The following PRTFDC1 variants were observed in gnomAD, a reference collection of about 807,000 sequenced individuals.
PRTFDC1 encodes phosphoribosyltransferase domain-containing protein 1.
A neutral mutation model predicts 34.6 loss-of-function variants in PRTFDC1; 38 were observed. That is an observed-to-expected ratio of 1.10 (90% CI 0.85 to 1.44). PRTFDC1 has a LOEUF of 1.44. Among genes scored for constraint, PRTFDC1 ranks in the 40% most tolerant of loss-of-function variants. The pLI, the probability that PRTFDC1 is intolerant of heterozygous loss-of-function variation, is 0.00. For missense variants in PRTFDC1, 270 were observed against 283.0 expected (o/e 0.95, Z 0.33); for synonymous variants, 93 against 98.1 (o/e 0.95, Z 0.31).
chr10:24,907,504 GA>G (rs1485711406), intron 3 of PRTFDC1, among the ~76,000 whole-genome samples: 1 of 152,222 alleles, frequency 6.6e-6, no homozygotes, highest in African/African-American at 2.4e-5. Flanking sequence ...GCTGAGGTGG[GA>G]GAATCACTTG....
intron 1 of PRTFDC1, among the ~76,000 whole-genome samples, chr10:24,950,924 G>A (rs1327887391): frequency 6.6e-6 from 1 of 152,158 alleles, no homozygotes; most frequent in Non-Finnish European, 1.5e-5. Context: ...TGCCTACAGT[G>A]CAGGCCAACC....
chr10:24,929,866 A>C (rs1201691959), intron 3 of PRTFDC1, among the ~76,000 whole-genome samples: 1 of 152,160 alleles, frequency 6.6e-6, no homozygotes, highest in African/African-American at 2.4e-5. Context: ...CTTAGAATAG[A>C]TATCCCAAAA....
rs113629417 is a variant in PRTFDC1, at chr10:24,920,299, G to GTA, written c.339+16883_339+16884dup. On this transcript the variant is annotated intron_variant, in intron 3 of 8. Coordinates refer to ENST00000320152, the MANE Select transcript of PRTFDC1 (RefSeq NM_020200.7). ...TGTGTATATATATATGAGTGTGTGTGTATATATATATGTGTGTGTATATAT... is the reference window on the plus strand; with the variant it reads ...TGTGTATATATATATGAGTGTGTGTGTATATATATATATGTGTGTGTATATAT... Among the ~76,000 whole-genome samples the GTA allele has an allele frequency of 8.9e-3, 1,335 of 150,510 alleles. 28 individuals carry two copies. The highest frequency in any genetic ancestry group is 0.032 in the African/African-American group (1,271 of 40,304).
At chr10:24,876,678 A>C (rs1315545571) in intron 3 of PRTFDC1, among the ~76,000 whole-genome samples, 1 of 151,846 alleles carries the variant, frequency 6.6e-6, no homozygotes, top group Non-Finnish European at 1.5e-5. Flanking sequence ...TGTGTGACAG[A>C]GCGAGACTCC....
chr10:24,913,029 A>T (rs971476847), intron 3 of PRTFDC1, among the ~76,000 whole-genome samples: 1 of 152,246 alleles, frequency 6.6e-6, no homozygotes, highest in Non-Finnish European at 1.5e-5. Flanking sequence ...TCGAAATCAG[A>T]TTTGACAATC....
At chr10:24,928,224 C>T (rs550024946) in intron 3 of PRTFDC1, among the ~76,000 whole-genome samples, 1 of 151,760 alleles carries the variant, frequency 6.6e-6, no homozygotes, top group South Asian at 2.1e-4. Context: ...TTCTATTTTC[C>T]TATTTCTTTA....
chr10:24,945,313 C>T (rs1430680488), intron 1 of PRTFDC1, among the ~76,000 whole-genome samples: 1 of 152,174 alleles, frequency 6.6e-6, no homozygotes, highest in Non-Finnish European at 1.5e-5. Flanking sequence ...ACACAGTCTC[C>T]ATCTTCCGGC....
At chr10:24,861,165 T>C (rs1847674160) in intron 4 of PRTFDC1, among the ~76,000 whole-genome samples, 1 of 152,198 alleles carries the variant, frequency 6.6e-6, no homozygotes, top group Non-Finnish European at 1.5e-5. Context: ...GTCAAAATTA[T>C]TCAAATACAT....
chr10:24,923,839 A>T (rs1848829734), intron 3 of PRTFDC1, among the ~76,000 whole-genome samples: 1 of 152,204 alleles, frequency 6.6e-6, no homozygotes, highest in African/African-American at 2.4e-5. Context: ...GAAGGTCGGT[A>T]ATAACAAACT....
Position 24,937,412 on chromosome 10 carries a change from G to T in PRTFDC1, c.156-45C>A, listed in dbSNP as rs369080621. 9 of 1,513,228 alleles carry T rather than the reference G, an allele frequency of 5.9e-6. No individual in the cohort carries two copies. The African/African-American group carries it at 1.2e-4, about 21-fold the overall frequency. 93.7% of individuals were successfully genotyped at this position (1,513,228 alleles called of 1,614,324 possible). A position where few individuals can be genotyped will look rare whatever the true frequency, so the allele number is the denominator to read the frequency against. The stretch of plus-strand genomic sequence containing the variant: ...TATATTAAGGCACAACTACTTCTGA[G>T]TATTTATGTTGCTTTAATGAAATGC... On this transcript the variant is annotated intron_variant, in intron 2 of 8. Coordinates refer to ENST00000320152, the MANE Select transcript of PRTFDC1 (RefSeq NM_020200.7).
chr10:24,857,825 A>G (rs1028984316), intron 5 of PRTFDC1, among the ~76,000 whole-genome samples: 1 of 152,222 alleles, frequency 6.6e-6, no homozygotes, highest in Non-Finnish European at 1.5e-5. Context: ...TTGCTGTATT[A>G]GTCCACTACT....
At chr10:24,883,878 G>A (rs1206615572) in intron 3 of PRTFDC1, among the ~76,000 whole-genome samples, 1 of 143,808 alleles carries the variant, frequency 7.0e-6, no homozygotes, top group Admixed American at 7.2e-5. Context: ...AGGCTGGAGT[G>A]CAGTGGCGTG....
intron 2 of PRTFDC1, 73 bp downstream of exon 2, chr10:24,942,257 T>C: frequency 8.1e-7 from 1 of 1,234,712 alleles, no homozygotes; most frequent in South Asian, 1.2e-5. Context: ...GGTCCTAAAG[T>C]ATATTGTGGG....
At chr10:24,943,692 G>GGT (rs544406053) in intron 1 of PRTFDC1, among the ~76,000 whole-genome samples, 155 of 152,084 alleles carry the variant, frequency 1.0e-3, no homozygotes, top group African/African-American at 3.7e-3. Context: ...TGGGACCACA[G>GGT]GTGTGTGCCA....
intron 2 of PRTFDC1, among the ~76,000 whole-genome samples, chr10:24,941,265 AG>A (rs68180995): frequency 0.44 from 67,160 of 151,656 alleles, 15,214 homozygotes; most frequent in Middle Eastern, 0.57. Context: ...TACATTGCCC[AG>A]GCTGGTCTCA....
intron 7 of PRTFDC1, among the ~76,000 whole-genome samples, chr10:24,852,061 A>T (rs532790134): frequency 2.0e-5 from 3 of 152,294 alleles, no homozygotes; most frequent in African/African-American, 7.2e-5. Context: ...CATGATGCAG[A>T]GGATATTAAT....
chr10:24,931,071 G>A (rs1303106207), intron 3 of PRTFDC1, among the ~76,000 whole-genome samples: 1 of 151,996 alleles, frequency 6.6e-6, no homozygotes, highest in African/African-American at 2.4e-5. Flanking sequence ...TTCTGCAACA[G>A]AATTCAACTA....
intron 3 of PRTFDC1, among the ~76,000 whole-genome samples, chr10:24,918,241 C>G (rs1159072299): frequency 6.6e-6 from 1 of 152,146 alleles, no homozygotes; most frequent in African/African-American, 2.4e-5. Flanking sequence ...TTGGGTCCAA[C>G]TTATCTCCAT....
rs780076467 is a variant in PRTFDC1 at position 24,907,166 on chromosome 10, C to T, written c.339+30018G>A. Among the ~76,000 whole-genome samples, 6 of 151,736 alleles carry T rather than the reference C, an allele frequency of 4.0e-5. No individual in the cohort carries two copies. In the East Asian group the frequency reaches 5.8e-4, roughly 15 times the overall value. Reference sequence around the variant, plus strand: ...GTCAGACACTGCACTGAGCTATGATCGCACCTCTGCACTCCAACTTGGGCA... The same window carrying T: ...GTCAGACACTGCACTGAGCTATGATTGCACCTCTGCACTCCAACTTGGGCA... On this transcript the variant is annotated intron_variant, in intron 3 of 8. Transcript: ENST00000320152.
Sources: allele counts gnomAD v4.1 joint callset (sites outside exome capture counted in the v4.1 genomes callset), GRCh38; gene constraint gnomAD v4.1.1; transcripts MANE v1.5; gene names NCBI Gene and HGNC (gene_info 2026-07-23, HGNC 2026-07-21).